Variants in SNTG1 observed in about 807,000 individuals in gnomAD.
SNTG1 encodes the protein syntrophin gamma 1.
SNTG1 carries 39 observed loss-of-function variants against 74.7 expected under a neutral mutation model. The observed-to-expected ratio is 0.52, with a 90% confidence interval of 0.40 to 0.68. SNTG1 has a LOEUF of 0.68. SNTG1 is among the 30% of genes least tolerant of loss of function. The pLI, the probability that SNTG1 is intolerant of heterozygous loss-of-function variation, is 0.00. For synonymous variants in SNTG1, 254 were observed against 217.1 expected, an observed-to-expected ratio of 1.17 and a Z score of -1.49; for missense variants, 685 against 609.5, an observed-to-expected ratio of 1.12 and a Z score of -1.30.
intron 13 of SNTG1, among the ~76,000 whole-genome samples, chr8:50,596,388 T>C (rs1053365949): frequency 6.6e-6 from 1 of 152,086 alleles, no homozygotes; most frequent in Non-Finnish European, 1.5e-5. Context: ...GAAATAAATT[T>C]TCAACTATTT....
chr8:49,912,490 T>C (rs1009697217), intron 1 of SNTG1, among the ~76,000 whole-genome samples: 2 of 152,222 alleles, frequency 1.3e-5, no homozygotes, highest in East Asian at 1.9e-4. Flanking sequence ...ATCTGGCATA[T>C]CTTGTTTATT....
intron 2 of SNTG1, among the ~76,000 whole-genome samples, chr8:50,302,379 A>G (rs1253586085): frequency 6.6e-6 from 1 of 152,026 alleles, no homozygotes; most frequent in Admixed American, 6.6e-5. Flanking sequence ...ATTATTTGCC[A>G]CTGGGATCAC....
chr8:50,165,572 C>A (rs1165375471), intron 1 of SNTG1, among the ~76,000 whole-genome samples: 2 of 152,148 alleles, frequency 1.3e-5, no homozygotes, highest in Non-Finnish European at 2.9e-5. Context: ...AAATTTACGT[C>A]ATCTTCAGCC....
chr8:50,749,268 C>T (rs2095561902), intron 17 of SNTG1, among the ~76,000 whole-genome samples: 1 of 151,968 alleles, frequency 6.6e-6, no homozygotes, highest in African/African-American at 2.4e-5. Context: ...GCTCTCTTTT[C>T]AGATCTATGA....
chr8:50,308,830 T>C (rs1477247831), intron 2 of SNTG1, among the ~76,000 whole-genome samples: 1 of 152,220 alleles, frequency 6.6e-6, no homozygotes, highest in Non-Finnish European at 1.5e-5. Context: ...TTTTTGTTCT[T>C]GCTAACTTTC....
intron 2 of SNTG1, among the ~76,000 whole-genome samples, chr8:50,219,255 T>C (rs2084942729): frequency 1.3e-5 from 2 of 152,086 alleles, no homozygotes; most frequent in African/African-American, 4.8e-5. Context: ...TTTAAGAAGC[T>C]CCCACTGGTG....
intron 12 of SNTG1, among the ~76,000 whole-genome samples, chr8:50,589,236 G>T (rs1411339065): frequency 6.6e-6 from 1 of 152,078 alleles, no homozygotes; most frequent in Admixed American, 6.6e-5. Flanking sequence ...CTTTTCCAAG[G>T]TAAGTCAGGT....
chr8:50,580,080 A>G (rs1458467206), intron 12 of SNTG1, among the ~76,000 whole-genome samples: 2 of 152,246 alleles, frequency 1.3e-5, no homozygotes, highest in African/African-American at 4.8e-5. Flanking sequence ...GCCCAAGGCC[A>G]TGGGAGCCCA....
intron 13 of SNTG1, among the ~76,000 whole-genome samples, chr8:50,620,419 A>G (rs1440661151): frequency 6.6e-6 from 1 of 152,134 alleles, no homozygotes; most frequent in Admixed American, 6.5e-5. Flanking sequence ...CTTCATCTTA[A>G]TCACACTTGA....
At chr8:50,009,924 A>G (rs1028336387) in intron 1 of SNTG1, among the ~76,000 whole-genome samples, 1 of 152,190 alleles carries the variant, frequency 6.6e-6, no homozygotes, top group Admixed American at 6.5e-5. Context: ...TGAAACCAGG[A>G]GGTGGAGGTT....
chr8:50,659,645 T>C (rs560559306), intron 15 of SNTG1, among the ~76,000 whole-genome samples: 1 of 152,304 alleles, frequency 6.6e-6, no homozygotes, highest in East Asian at 1.9e-4. Flanking sequence ...AAAAGTATAG[T>C]TCATTGATTG....
chr8:50,300,747 G>T (rs1404463036), intron 2 of SNTG1, among the ~76,000 whole-genome samples: 1 of 151,944 alleles, frequency 6.6e-6, no homozygotes, highest in East Asian at 1.9e-4. Flanking sequence ...TTTTAGCATT[G>T]GTTGTAAAGC....
In SNTG1 at chr8:50,521,164, C is replaced by T. The variant is rs182063842; in HGVS notation, c.467-9013C>T. ...AACCATCATTCTCAGTAGACTAACA[C>T]AGGAACAGAAAACCAAACACCAGGT... On this transcript the variant is annotated intron_variant, in intron 9 of 18. Transcript: ENST00000642720. Among the ~76,000 whole-genome samples the T allele has an allele frequency of 2.8e-3, 431 of 152,190 alleles. 2 individuals carry two copies. The highest frequency in any genetic ancestry group is 0.01 in the African/African-American group (419 of 41,532).
At chr8:50,504,729 A>G (rs2093992010) in intron 9 of SNTG1, among the ~76,000 whole-genome samples, 3 of 152,210 alleles carry the variant, frequency 2.0e-5, no homozygotes. Context: ...TGAGCCTGGT[A>G]GGCTGAGGAT....
At chr8:50,565,047 C>T (rs768476020) in intron 12 of SNTG1, among the ~76,000 whole-genome samples, 4 of 151,944 alleles carry the variant, frequency 2.6e-5, no homozygotes, top group Non-Finnish European at 4.4e-5. Flanking sequence ...ACAAAAATGG[C>T]CCTTTGCCTC....
intron 2 of SNTG1, among the ~76,000 whole-genome samples, chr8:50,326,019 A>G (rs2090732936): frequency 2.0e-5 from 3 of 152,184 alleles, no homozygotes; most frequent in Non-Finnish European, 1.5e-5. Context: ...TGTGAATATG[A>G]TAAATTACAA....
At chr8:50,131,015 A>G (rs1182925173) in intron 1 of SNTG1, among the ~76,000 whole-genome samples, 1 of 152,148 alleles carries the variant, frequency 6.6e-6, no homozygotes, top group Non-Finnish European at 1.5e-5. Flanking sequence ...AATATAGACC[A>G]TAGGAAGGAG....
chr8:50,244,367 A>G (rs984483172), intron 2 of SNTG1, among the ~76,000 whole-genome samples: 1 of 152,074 alleles, frequency 6.6e-6, no homozygotes, highest in African/African-American at 2.4e-5. Context: ...GTAAGTGGGG[A>G]GATTCTTTTT....
At chr8:50,508,265 G>A (rs1481393812) in intron 9 of SNTG1, among the ~76,000 whole-genome samples, 1 of 152,088 alleles carries the variant, frequency 6.6e-6, no homozygotes, top group African/African-American at 2.4e-5. Flanking sequence ...ATTTTTTATG[G>A]CTGCATAGTA....
Sources: allele counts gnomAD v4.1 joint callset (sites outside exome capture counted in the v4.1 genomes callset), GRCh38; gene constraint gnomAD v4.1.1; transcripts MANE v1.5; gene names NCBI Gene and HGNC (gene_info 2026-07-23, HGNC 2026-07-21).